Variants in BACH2 observed in about 807,000 individuals in gnomAD.
The protein encoded by BACH2 is BACH transcriptional regulator 2, also known as transcription regulator protein BACH2.
Under a neutral mutation model 61.8 loss-of-function variants are expected in BACH2, and 5 were observed. The ratio of observed to expected loss-of-function variants is 0.08; its 90% CI spans 0.04 to 0.17. The LOEUF (loss-of-function observed/expected upper bound fraction) is 0.17, where lower values mean the gene tolerates loss of function less well. Ranked by LOEUF, BACH2 falls within the 10% of genes least tolerant of loss-of-function variation. The pLI, the probability that BACH2 is intolerant of heterozygous loss-of-function variation, is 1.00. For synonymous variants in BACH2, 446 were observed against 440.1 expected, an observed-to-expected ratio of 1.01 and a Z score of -0.17; for missense variants, 824 against 1,091.1, an observed-to-expected ratio of 0.76 and a Z score of 3.45.
chr6:90,255,944 C>T (rs1770963701), intron 2 of BACH2, among the ~76,000 whole-genome samples: 1 of 152,172 alleles, frequency 6.6e-6, no homozygotes, highest in African/African-American at 2.4e-5. Context: ...CTTCTCATAT[C>T]AACCCCAAAA....
rs1036380402 is a variant in BACH2, at chr6:90,008,196, G to A, written c.243+406C>T. 5 of 172,122 alleles carry A rather than the reference G, an allele frequency of 2.9e-5. No individual in the cohort carries two copies. The highest frequency in any genetic ancestry group is 2.3e-4 in the Admixed American group (4 of 17,436). 10.7% of individuals were successfully genotyped at this position (172,122 alleles called of 1,614,324 possible). ...TGCTTTTATTTTTCCCCCAAGCAAAGAAGGTGCTGTGAATGCTTTCGATCT... is the reference window on the plus strand; with the variant it reads ...TGCTTTTATTTTTCCCCCAAGCAAAAAAGGTGCTGTGAATGCTTTCGATCT... On this transcript the variant is annotated intron_variant, in intron 6 of 8. Coordinates refer to ENST00000257749, the MANE Select transcript of BACH2 (RefSeq NM_021813.4). The surrounding 1 kb of genome is among the most constrained non-coding windows in gnomAD (Gnocchi z 4.1).
intron 4 of BACH2, among the ~76,000 whole-genome samples, chr6:90,118,493 C>G (rs1310293168): frequency 6.6e-6 from 1 of 152,200 alleles, no homozygotes; most frequent in African/African-American, 2.4e-5. Context: ...AAAGATCCAG[C>G]CTCTCAGCTG....
At chr6:90,028,476 C>T (rs774700373) in intron 5 of BACH2, among the ~76,000 whole-genome samples, 1 of 152,144 alleles carries the variant, frequency 6.6e-6, no homozygotes, top group Non-Finnish European at 1.5e-5. Context: ...TATGTTCTGC[C>T]CAAATCAGAA....
chr6:90,092,291 A>AAAAAAT, intron 4 of BACH2, among the ~76,000 whole-genome samples: 6 of 113,840 alleles, frequency 5.3e-5, no homozygotes, highest in African/African-American at 2.2e-4. Flanking sequence ...AAAAAAAAAA[A>AAAAAAT]ATATATATAT....
intron 4 of BACH2, among the ~76,000 whole-genome samples, chr6:90,130,584 A>G (rs906548842): frequency 2.0e-5 from 3 of 152,242 alleles, no homozygotes; most frequent in African/African-American, 7.2e-5. Flanking sequence ...CTAACAGAAT[A>G]GCAGAACTGG....
intron 3 of BACH2, among the ~76,000 whole-genome samples, chr6:90,247,664 T>G (rs1052869866): frequency 1.3e-5 from 2 of 152,190 alleles, no homozygotes; most frequent in African/African-American, 4.8e-5. Context: ...CTACCTACTT[T>G]TTTAGTCTAA....
intron 1 of BACH2, among the ~76,000 whole-genome samples, chr6:90,281,676 T>G (rs552468413): frequency 6.6e-6 from 1 of 152,358 alleles, no homozygotes; most frequent in South Asian, 2.1e-4. Context: ...GTATATATTC[T>G]TCTATCTTGC....
intron 6 of BACH2, among the ~76,000 whole-genome samples, chr6:89,956,398 AC>A (rs2128358116): frequency 6.6e-6 from 1 of 152,296 alleles, no homozygotes; most frequent in African/African-American, 2.4e-5. Context: ...AGTTGGTTCA[AC>A]CCTGAAAGAA....
At chr6:89,978,633 T>TAA (rs753724278) in intron 6 of BACH2, among the ~76,000 whole-genome samples, 7,131 of 85,700 alleles carry the variant, frequency 0.083, 289 homozygotes, top group Middle Eastern at 0.11. Flanking sequence ...GTGTTGGCTT[T>TAA]AAAAAAAAAA....
At chr6:90,261,851 T>C (rs564431246) in intron 2 of BACH2, among the ~76,000 whole-genome samples, 1 of 152,084 alleles carries the variant, frequency 6.6e-6, no homozygotes, top group East Asian at 1.9e-4. Flanking sequence ...TCATAACCAA[T>C]CAGTTACCAA....
At chr6:90,239,413 A>G (rs1197858810) in intron 3 of BACH2, among the ~76,000 whole-genome samples, 1 of 152,236 alleles carries the variant, frequency 6.6e-6, no homozygotes, top group East Asian at 1.9e-4. Flanking sequence ...AAGGTCAACT[A>G]GAAAACAAGC....
intron 6 of BACH2, among the ~76,000 whole-genome samples, chr6:89,966,981 C>T (rs1775080185): frequency 2.6e-5 from 4 of 152,116 alleles, no homozygotes; most frequent in South Asian, 4.1e-4. Context: ...GATTATAGGC[C>T]GGTAGGGTCC....
chr6:90,287,385 T>C (rs1286770055), intron 1 of BACH2, among the ~76,000 whole-genome samples: 1 of 152,150 alleles, frequency 6.6e-6, no homozygotes, highest in African/African-American at 2.4e-5. Context: ...GCTGCTTTTT[T>C]TTTCTTCTAA....
intron 4 of BACH2, among the ~76,000 whole-genome samples, chr6:90,189,265 A>AG (rs1390442817): frequency 6.6e-6 from 1 of 152,192 alleles, no homozygotes; most frequent in East Asian, 1.9e-4. Flanking sequence ...TTTCCTGGAG[A>AG]GTAGTAAAAT....
intron 4 of BACH2, among the ~76,000 whole-genome samples, chr6:90,102,004 T>G (rs7773529): frequency 0.029 from 4,367 of 152,306 alleles, 213 homozygotes; most frequent in African/African-American, 0.1. Flanking sequence ...CCTGCAAAAC[T>G]GATGATCTTA....
intron 7 of BACH2, among the ~76,000 whole-genome samples, chr6:89,941,382 AACTTCT>A (rs1464030831): frequency 1.3e-5 from 2 of 152,162 alleles, no homozygotes; most frequent in East Asian, 3.9e-4. Flanking sequence ...GATCTGATTC[AACTTCT>A]ACCTGGTGAG....
intron 5 of BACH2, among the ~76,000 whole-genome samples, chr6:90,087,976 T>A (rs1782006413): frequency 6.6e-6 from 1 of 150,736 alleles, no homozygotes; most frequent in African/African-American, 2.5e-5. Context: ...TCATTCTTTC[T>A]ATTTTTTTTT....
chr6:90,247,164 T>C (rs1171333963), intron 3 of BACH2, among the ~76,000 whole-genome samples: 2 of 152,192 alleles, frequency 1.3e-5, no homozygotes, highest in Non-Finnish European at 2.9e-5. Context: ...TGAAGCTCTT[T>C]ATATTCTCAT....
intron 4 of BACH2, among the ~76,000 whole-genome samples, chr6:90,194,984 T>A (rs554426198): frequency 2.0e-5 from 3 of 152,206 alleles, no homozygotes; most frequent in South Asian, 4.1e-4. Flanking sequence ...GAAGAAATCA[T>A]AGTCACAGTA....
Sources: gnomAD v4.1 joint callset for allele counts (sites outside exome capture counted in the v4.1 genomes callset) on GRCh38, gnomAD v4.1.1 for gene constraint, Gnocchi (gnomAD v3.1) non-coding constraint, MANE v1.5 for transcripts, NCBI Gene and HGNC (gene_info 2026-07-23, HGNC 2026-07-21) for gene names.